The following SFRP4 variants were observed in gnomAD, a reference collection of about 807,000 sequenced individuals.
SFRP4 encodes the protein secreted frizzled related protein 4.
SFRP4 carries 25 observed loss-of-function variants against 36.3 expected under a neutral mutation model. The ratio of observed to expected loss-of-function variants is 0.69; its 90% confidence interval spans 0.50 to 0.96. The LOEUF is 0.96. Ranked by LOEUF, SFRP4 falls within the 40% of genes least tolerant of loss-of-function variation. SFRP4 has a pLI of 0.00. For synonymous variants in SFRP4, 182 were observed against 168.8 expected (o/e 1.08, Z -0.60); for missense variants, 487 against 459.6 (o/e 1.06, Z -0.54).
Position 37,914,239 on chromosome 7 carries a change from G to A in SFRP4, c.566C>T (p.Thr189Met), listed in dbSNP as rs149860855. 613 of 1,613,742 alleles carry A rather than the reference G, an allele frequency of 3.8e-4. 1 individual carries two copies. Among genetic ancestry groups the A allele is most frequent in the Non-Finnish European group, 4.4e-4 (518 of 1,179,804 alleles). Residue 189 changes from threonine to methionine, a missense_variant, in exon 3 of 6, where the codon ACG (threonine) becomes ATG (methionine). Thr to Met is a moderately conservative substitution (Grantham distance 81). Transcript: ENST00000436072. ...KCKKVKPTLATYLSKNYSYVI... is the reference protein window; with the variant it reads ...KCKKVKPTLAMYLSKNYSYVI... Reference sequence around the variant, plus strand: ...ATAGCTGTAGTTTTTGCTGAGATACGTTGCCAAAGTTGGCTTCACCTTTTT... The same window carrying A: ...ATAGCTGTAGTTTTTGCTGAGATACATTGCCAAAGTTGGCTTCACCTTTTT...
At chr7:37,914,733 T>C (rs1019293148) in intron 1 of SFRP4, among the ~76,000 whole-genome samples, 3 of 152,036 alleles carry the variant, frequency 2.0e-5, no homozygotes, top group Non-Finnish European at 4.4e-5. Flanking sequence ...GGCATGGTGG[T>C]GGATGCCTGT....
rs1185513124 is a variant in SFRP4 at position 37,907,517 on chromosome 7, T to C, written c.1003A>G (p.Arg335Gly). 1 of 1,613,942 alleles carries C rather than the reference T, an allele frequency of 6.2e-7. No individual in the cohort carries two copies. The highest frequency in any genetic ancestry group is 1.3e-5 in the African/African-American group (1 of 75,030). ...GGGTTTGTTCTCTTCTGGGCACTCC[T>C]AGTTTTAATGTTCTTCTTGGGACTG... is the stretch of plus-strand genomic sequence containing the variant. ...PASPKKNIKT[R>G]SAQKRTNPKR... Residue 335 changes from arginine to glycine, a missense_variant, in exon 6 of 6, where the codon AGG becomes GGG. Physicochemically the swap from Arg to Gly is moderately radical, Grantham distance 125 (BLOSUM62 -2). Transcript: ENST00000436072.
In SFRP4 at chr7:37,916,534, A is replaced by C. The variant is rs143943716; in HGVS notation, c.4T>G (p.Phe2Val). Reference protein sequence around the residue: MFLSILVALCLW... With the variant: MVLSILVALCLW... ...CACAGCGCCACTAGGATGGAGAGGAACATGGCACTGCCCTCTCGCGCTGCG... is the reference window on the plus strand; with the variant it reads ...CACAGCGCCACTAGGATGGAGAGGACCATGGCACTGCCCTCTCGCGCTGCG... The change falls in exon 1 of 6, where the codon TTC becomes GTC. Residue 2 changes from phenylalanine to valine, a missense_variant. Physicochemically the swap from Phe to Val is conservative, Grantham distance 50 (BLOSUM62 -1). Transcript: ENST00000436072. The surrounding 1 kb of genome is among the most constrained non-coding windows in gnomAD (Gnocchi z 4.1). 244 of 1,605,668 alleles carry C rather than the reference A, an allele frequency of 1.5e-4. No individual in the cohort carries two copies. Among genetic ancestry groups the C allele is most frequent in the Non-Finnish European group, 2.0e-4 (239 of 1,178,138 alleles).
intron 3 of SFRP4, among the ~76,000 whole-genome samples, chr7:37,913,496 A>T (rs1785526768): frequency 6.6e-6 from 1 of 152,220 alleles, no homozygotes; most frequent in South Asian, 2.1e-4. Context: ...GACATTTTTA[A>T]AATGTCTGCC....
At position 37,906,110 on chromosome 7, in the gene SFRP4, A is replaced by G. The variant is rs1049595398; in HGVS notation, c.*1369T>C. 2 of 152,190 alleles carry G rather than the reference A, an allele frequency of 1.3e-5. No homozygotes were observed. The highest frequency in any genetic ancestry group is 4.8e-5 in the African/African-American group (2 of 41,438). 9.4% of individuals were successfully genotyped at this position (152,190 alleles called of 1,614,324 possible). A position where few individuals can be genotyped will look rare whatever the true frequency, so the allele number is the denominator to read the frequency against. On this transcript the variant is annotated 3_prime_UTR_variant, in exon 6 of 6. Transcript: ENST00000436072. ...CAATAAAGGGCCAAGCAAAGGAGGC[A>G]GGTTATGAAACACATGTATAGCAGG... is the stretch of plus-strand genomic sequence containing the variant.
chr7:37,907,797 T>G, intron 5 of SFRP4, 133 bp from the exon 6 acceptor site: 2 of 612,682 alleles, frequency 3.3e-6, no homozygotes, highest in Non-Finnish European at 5.6e-6. Context: ...CTACCCTATG[T>G]GAAGCACTTA....
chr7:37,909,001 G>GA (rs1785439608), intron 5 of SFRP4, among the ~76,000 whole-genome samples: 1 of 150,842 alleles, frequency 6.6e-6, no homozygotes, highest in African/African-American at 2.4e-5. Flanking sequence ...TGCAAAGAAG[G>GA]ATGCTTTAAA....
At position 37,916,377 on chromosome 7, in the gene SFRP4, G is replaced by A. The variant is rs758308395; in HGVS notation, c.161C>T (p.Ala54Val). 5 of 1,614,102 alleles carry A rather than the reference G, an allele frequency of 3.1e-6. No homozygotes were observed. Among genetic ancestry groups the A allele is most frequent in the African/African-American group, 1.3e-5 (1 of 74,948 alleles). The stretch of plus-strand genomic sequence containing the variant: ...CTCGTACTGCTCGATGGCCAGGATG[G>A]CGTTCTCCTGCGTGCTGTGGTGCAG... Reference protein sequence around the residue: ...NHLHHSTQENAILAIEQYEEL... With the variant: ...NHLHHSTQENVILAIEQYEEL... Residue 54 changes from alanine (A) to valine (V), a missense_variant, in exon 1 of 6, where the codon GCC (alanine) becomes GTC (valine). By Grantham distance (64) the Ala-to-Val change is moderately conservative (BLOSUM62 0). Coordinates refer to ENST00000436072, the MANE Select transcript of SFRP4 (RefSeq NM_003014.4). The surrounding 1 kb of genome is among the most constrained non-coding windows in gnomAD (Gnocchi z 4.1).
rs754903385 is a variant in SFRP4, at chr7:37,916,363, C to T, written c.175G>A (p.Glu59Lys). The change falls in exon 1 of 6, where the codon GAG (glutamate) becomes AAG (lysine). Residue 59 changes from glutamate (E) to lysine (K), a missense_variant. Glu to Lys is a moderately conservative substitution (Grantham distance 56, BLOSUM62 1). Coordinates refer to ENST00000436072, the MANE Select transcript of SFRP4 (RefSeq NM_003014.4). The surrounding 1 kb of genome is among the most constrained non-coding windows in gnomAD (Gnocchi z 4.1). The part of the protein sequence containing the change: ...STQENAILAI[E>K]QYEELVDVNC... ...ACGTCCACCAGCTCCTCGTACTGCT[C>T]GATGGCCAGGATGGCGTTCTCCTGC... 36 of 1,614,214 alleles carry T rather than the reference C, an allele frequency of 2.2e-5. No homozygotes were observed. Among genetic ancestry groups the T allele is most frequent in the Non-Finnish European group, 3.0e-5 (35 of 1,180,034 alleles).
At position 37,907,366 on chromosome 7, in the gene SFRP4, C is replaced by T; in HGVS notation, c.*113G>A. ...CTGCAAGATGTGTCTATGAAGAGCA[C>T]TGCAGTGAGTTGTTAGGGCAAGGGG... On this transcript the variant is annotated 3_prime_UTR_variant, in exon 6 of 6. Transcript: ENST00000436072. 1 of 812,108 alleles carries T rather than the reference C, an allele frequency of 1.2e-6. No individual in the cohort carries two copies. The highest frequency in any genetic ancestry group is 2.0e-6 in the Non-Finnish European group (1 of 502,970). The allele number at this position is 812,108 out of a possible 1,614,324, so 50.3% of individuals were successfully genotyped here.
chr7:37,914,664 A>T (rs964549134), intron 1 of SFRP4, among the ~76,000 whole-genome samples: 8 of 152,252 alleles, frequency 5.3e-5, no homozygotes, highest in African/African-American at 1.9e-4. Context: ...CAGGAGTTTG[A>T]GACCAGTCTG....
intron 4 of SFRP4, among the ~76,000 whole-genome samples, chr7:37,911,110 A>G (rs1394200338): frequency 6.6e-6 from 1 of 152,232 alleles, no homozygotes; most frequent in African/African-American, 2.4e-5. Flanking sequence ...GCACTGCAGC[A>G]GATGCAAACA....
chr7:37,912,451 T>G lies in SFRP4; in HGVS notation c.593-134A>C. 1.5e-5 allele frequency: 10 copies of G among 683,652 alleles called. No homozygotes were observed. In the South Asian group the frequency reaches 1.8e-4, roughly 12 times the overall value. 42.3% of individuals were successfully genotyped at this position (683,652 alleles called of 1,614,324 possible). A position where few individuals can be genotyped will look rare whatever the true frequency, so the allele number is the denominator to read the frequency against. ...TATGGTTATGTCCAAGTGGCCTGAG[T>G]GCAGGCAAACAGCCCACACAGTCAT... On this transcript the variant is annotated intron_variant, in intron 3 of 5. Transcript: ENST00000436072.
intron 1 of SFRP4, among the ~76,000 whole-genome samples, chr7:37,915,568 C>A (rs1164516786): frequency 6.6e-6 from 1 of 152,140 alleles, no homozygotes; most frequent in Non-Finnish European, 1.5e-5. Flanking sequence ...TGGCTCCGGG[C>A]CAATGACTAT....
intron 5 of SFRP4, 72 bp downstream of exon 5, chr7:37,909,545 A>T: frequency 1.2e-6 from 1 of 847,146 alleles, no homozygotes; most frequent in Non-Finnish European, 1.8e-6. Context: ...GAATGGGAAG[A>T]ATTCCCCAAC....
chr7:37,916,791 C>G lies in SFRP4; in HGVS notation c.-254G>C. ...CGAACCCGCCCGGGCAGCTCCAGTC[C>G]CGGACTCCGCAGCTCGGAGCGCAGC... On this transcript the variant is annotated 5_prime_UTR_variant, in exon 1 of 6. Transcript: ENST00000436072. This position sits in a 1 kb window ranked among gnomAD's most constrained non-coding sequence, Gnocchi z 4.1. 1.7e-6 allele frequency: 1 copy of G among 582,310 alleles called. No homozygotes were observed. Among genetic ancestry groups the G allele is most frequent in the Non-Finnish European group, 3.0e-6 (1 of 329,506 alleles). The allele number at this position is 582,310 out of a possible 1,614,324, so 36.1% of individuals were successfully genotyped here.
Position 37,907,395 on chromosome 7 carries a change from A to G in SFRP4, c.*84T>C, listed in dbSNP as rs1785412483. 8.5e-7 allele frequency: 1 copy of G among 1,178,664 alleles called. No individual in the cohort carries two copies. Among genetic ancestry groups the G allele is most frequent in the Non-Finnish European group, 1.2e-6 (1 of 824,256 alleles). 73.0% of individuals were successfully genotyped at this position (1,178,664 alleles called of 1,614,324 possible). On this transcript the variant is annotated 3_prime_UTR_variant, in exon 6 of 6. Coordinates refer to ENST00000436072, the MANE Select transcript of SFRP4 (RefSeq NM_003014.4). Reference sequence around the variant, plus strand: ...AGTGAGTTGTTAGGGCAAGGGGCACATGGCCTTACATAGGCTGTCCCAGGC... The same window carrying G: ...AGTGAGTTGTTAGGGCAAGGGGCACGTGGCCTTACATAGGCTGTCCCAGGC...
In SFRP4 at chr7:37,915,588, C is replaced by T. The variant is rs535681991; in HGVS notation, c.445+505G>A. Reference sequence around the variant, plus strand: ...CCGGGCCAATGACTATGAAACAGACCTCACAATTTTCCAGGGAAACTGCAA... The same window carrying T: ...CCGGGCCAATGACTATGAAACAGACTTCACAATTTTCCAGGGAAACTGCAA... On this transcript the variant is annotated intron_variant, in intron 1 of 5. Transcript: ENST00000436072. 3.9e-5 allele frequency among the ~76,000 whole-genome samples: 6 copies of T among 152,186 alleles called. No individual in the cohort carries two copies. In the South Asian group the frequency reaches 1.2e-3, roughly 32 times the overall value.
chr7:37,913,409 C>T (rs1243550900), intron 3 of SFRP4, among the ~76,000 whole-genome samples: 2 of 152,126 alleles, frequency 1.3e-5, no homozygotes, highest in African/African-American at 4.8e-5. Flanking sequence ...TAAGCATTTT[C>T]CCTAAAACCA....
Sources: gnomAD v4.1 joint callset for allele counts (sites outside exome capture counted in the v4.1 genomes callset) on GRCh38, gnomAD v4.1.1 for gene constraint, Gnocchi (gnomAD v3.1) non-coding constraint, MANE v1.5 for transcripts, NCBI Gene and HGNC (gene_info 2026-07-23, HGNC 2026-07-21) for gene names.